The following KIF20B variants were observed in gnomAD, a reference collection of about 807,000 sequenced individuals.
The protein encoded by KIF20B is kinesin family member 20B.
A neutral mutation model predicts 232.5 loss-of-function variants in KIF20B; 188 were observed. The observed-to-expected ratio is 0.81, with a 90% CI of 0.72 to 0.91. The LOEUF is 0.91. KIF20B is among the 40% of genes least tolerant of loss of function. KIF20B has a pLI of 0.00. For missense variants in KIF20B, 2,154 were observed against 2,055.9 expected (o/e 1.05, Z -0.92); for synonymous variants, 712 against 683.0 (o/e 1.04, Z -0.66).
chr10:89,762,615 T>A (rs1171873058), intron 28 of KIF20B, 23 bp from the exon 29 acceptor site: 5 of 1,554,104 alleles, frequency 3.2e-6, no homozygotes, highest in Non-Finnish European at 4.4e-6. Flanking sequence ...AAATAATATT[T>A]TTCCTTTTAC....
chr10:89,746,202 C>T (rs572553724), intron 23 of KIF20B, among the ~76,000 whole-genome samples: 1 of 152,338 alleles, frequency 6.6e-6, no homozygotes, highest in Admixed American at 6.5e-5. Context: ...CCTAGCCGTC[C>T]ACAGGCGGCT....
chr10:89,769,812 G>T (rs1266343101), intron 31 of KIF20B, among the ~76,000 whole-genome samples: 1 of 151,936 alleles, frequency 6.6e-6, no homozygotes, highest in East Asian at 1.9e-4. Context: ...ACTATCTTAG[G>T]GGTGAGATGG....
Position 89,774,360 on chromosome 10 carries a change from T to G in KIF20B, c.*312T>G. The G allele has an allele frequency of 5.7e-6, 1 of 175,766 alleles. No individual in the cohort carries two copies. The highest frequency in any genetic ancestry group is 1.4e-4 in the East Asian group (1 of 6,960). 10.9% of individuals were successfully genotyped at this position (175,766 alleles called of 1,614,324 possible). A position where few individuals can be genotyped will look rare whatever the true frequency, so the allele number is the denominator to read the frequency against. On this transcript the variant is annotated 3_prime_UTR_variant, in exon 33 of 33. Coordinates refer to ENST00000371728, the MANE Select transcript of KIF20B (RefSeq NM_001284259.2). ...GGATGTAATAGGTCAGGTATTTGGT[T>G]TACTTATATTTAACAATGTCTTATG...
intron 28 of KIF20B, 106 bp downstream of exon 28, chr10:89,760,742 TG>T: frequency 1.4e-6 from 1 of 692,660 alleles, no homozygotes; most frequent in Non-Finnish European, 2.5e-6. Flanking sequence ...CAATTAGCTG[TG>T]TGTGCTCTGG....
chr10:89,762,633 T>C lies in KIF20B; in HGVS notation c.4792-5T>C. The C allele has an allele frequency of 6.2e-7, 1 of 1,605,940 alleles. No individual in the cohort carries two copies. The highest frequency in any genetic ancestry group is 8.5e-7 in the Non-Finnish European group (1 of 1,173,088). ...TAATATTTTTCCTTTTACATTCTGT[T>C]GTAGGATGGATCTGTAGTCCTTGAC... On this transcript the variant is annotated splice_region_variant and splice_polypyrimidine_tract_variant and intron_variant, in intron 28 of 32. Transcript: ENST00000371728.
At chr10:89,760,763 A>G (rs1842223329) in intron 28 of KIF20B, 127 bp downstream of exon 28, 1 of 575,160 alleles carries the variant, frequency 1.7e-6, no homozygotes, top group South Asian at 2.4e-5. Flanking sequence ...GGCTGTGTGA[A>G]AGAAACTAGA....
chr10:89,763,743 C>A (rs1376181075), intron 29 of KIF20B, among the ~76,000 whole-genome samples: 1 of 151,736 alleles, frequency 6.6e-6, no homozygotes, highest in East Asian at 1.9e-4. Context: ...CCTGTTTTCT[C>A]CTTTTTGGAA....
intron 14 of KIF20B, among the ~76,000 whole-genome samples, 189 bp downstream of exon 14, chr10:89,724,292 C>T (rs10881637): frequency 0.31 from 46,922 of 151,834 alleles, 8,146 homozygotes; most frequent in African/African-American, 0.46. Flanking sequence ...TTTGGGAGGC[C>T]TAGGCAGGCG....
intron 29 of KIF20B, among the ~76,000 whole-genome samples, chr10:89,764,103 G>A (rs1160054667): frequency 7.6e-6 from 1 of 132,246 alleles, no homozygotes; most frequent in Non-Finnish European, 1.5e-5. Context: ...GTGTCCATGT[G>A]TTCCCATTGT....
In KIF20B at chr10:89,738,082, C is replaced by A. The variant is rs765556365; in HGVS notation, c.3241C>A (p.Leu1081Met). ...SSKKSHQIEE[L>M]EQQIEKLQAE... ...CAAAAAAAGTCATCAGATTGAGGAA[C>A]TGGAACAACAAATTGAAAAATTGCA... The change falls in exon 20 of 33, where the codon CTG becomes ATG. Residue 1081 changes from leucine to methionine, a missense_variant. Transcript: ENST00000371728. 8 of 1,612,688 alleles carry A rather than the reference C, an allele frequency of 5.0e-6. No individual in the cohort carries two copies. In the South Asian group the frequency reaches 8.8e-5, roughly 18 times the overall value.
chr10:89,765,734 A>G (rs1415731305), intron 29 of KIF20B, among the ~76,000 whole-genome samples: 2 of 152,112 alleles, frequency 1.3e-5, no homozygotes, highest in Non-Finnish European at 2.9e-5. Context: ...ACGTCTGTTA[A>G]GTATTTTATT....
At chr10:89,710,170 G>A (rs957499034) in intron 5 of KIF20B, 105 bp downstream of exon 5, 18 of 959,688 alleles carry the variant, frequency 1.9e-5, no homozygotes, top group African/African-American at 1.4e-4. Context: ...CCTAGTATGC[G>A]TTTGCTCTAT....
rs267602617 is a variant in KIF20B, at chr10:89,739,047, A to G, written c.3866A>G (p.Lys1289Arg). Residue 1289 changes from lysine to arginine, a missense_variant, in exon 21 of 33, where the codon AAA becomes AGA. Physicochemically the swap from Lys to Arg is conservative, Grantham distance 26. Coordinates refer to ENST00000371728, the MANE Select transcript of KIF20B (RefSeq NM_001284259.2). Reference sequence around the variant, plus strand: ...AAGGAAGAAGATTATGCTGACCTGAAAGAGAAACTGACTGATGCCAAAAAG... The same window carrying G: ...AAGGAAGAAGATTATGCTGACCTGAGAGAGAAACTGACTGATGCCAAAAAG... ...QRKEEDYADLKEKLTDAKKQI... is the reference protein window; with the variant it reads ...QRKEEDYADLREKLTDAKKQI... The G allele has an allele frequency of 3.7e-6, 6 of 1,613,330 alleles. No homozygotes were observed. Among genetic ancestry groups the G allele is most frequent in the Non-Finnish European group, 5.1e-6 (6 of 1,179,654 alleles).
intron 22 of KIF20B, among the ~76,000 whole-genome samples, 174 bp downstream of exon 22, chr10:89,744,101 T>C (rs1421711306): frequency 6.6e-6 from 1 of 151,520 alleles, no homozygotes; most frequent in Non-Finnish European, 1.5e-5. Flanking sequence ...TAAAATTAAG[T>C]AGGCCAGTAG....
intron 24 of KIF20B, among the ~76,000 whole-genome samples, chr10:89,752,137 A>G (rs1842032675): frequency 6.6e-6 from 1 of 152,084 alleles, no homozygotes; most frequent in Admixed American, 6.5e-5. Flanking sequence ...GATGAGATGA[A>G]AAAATGTAAT....
At chr10:89,771,767 T>C (rs1842468223) in intron 31 of KIF20B, among the ~76,000 whole-genome samples, 1 of 152,012 alleles carries the variant, frequency 6.6e-6, no homozygotes, top group Non-Finnish European at 1.5e-5. Flanking sequence ...GCCTTTTGTT[T>C]GGGGCTGCCT....
chr10:89,704,564 GT>G (rs57907659), intron 1 of KIF20B, among the ~76,000 whole-genome samples: 31,968 of 144,566 alleles, frequency 0.22, 4,584 homozygotes, highest in African/African-American at 0.42. Flanking sequence ...GTTTTGTTTT[GT>G]TTTTTTTTTT....
At chr10:89,748,628 CT>C (rs1462666170) in intron 23 of KIF20B, among the ~76,000 whole-genome samples, 1 of 151,996 alleles carries the variant, frequency 6.6e-6, no homozygotes, top group African/African-American at 2.4e-5. Flanking sequence ...TTTCTTAGGC[CT>C]TGTCACCCTA....
In KIF20B at chr10:89,760,491, C is replaced by T. The variant is rs374057999; in HGVS notation, c.4681-35C>T. 3.2e-6 allele frequency: 4 copies of T among 1,252,376 alleles called. No individual in the cohort carries two copies. In the African/African-American group the frequency reaches 5.9e-5, roughly 19 times the overall value. 77.6% of individuals were successfully genotyped at this position (1,252,376 alleles called of 1,614,324 possible). A position where few individuals can be genotyped will look rare whatever the true frequency, so the allele number is the denominator to read the frequency against. ...TTTTCTTCAATATATTTTCAGGTTA[C>T]AATGCCCTGTTGCTTTAATATTTCC... is the stretch of plus-strand genomic sequence containing the variant. On this transcript the variant is annotated intron_variant, in intron 27 of 32. Coordinates refer to ENST00000371728, the MANE Select transcript of KIF20B (RefSeq NM_001284259.2).
Sources: gnomAD v4.1 joint callset for allele counts (sites outside exome capture counted in the v4.1 genomes callset) on GRCh38, gnomAD v4.1.1 for gene constraint, MANE v1.5 for transcripts, NCBI Gene and HGNC (gene_info 2026-07-23, HGNC 2026-07-21) for gene names.